EXD3: variants seen among roughly 807,000 people sequenced by gnomAD.
EXD3 encodes exonuclease mut-7 homolog.
In EXD3, 92 loss-of-function variants were observed where a neutral mutation model predicts 98.0. The ratio of observed to expected loss-of-function variants is 0.94; its 90% CI spans 0.79 to 1.12. The LOEUF is 1.12. EXD3 is among the 50% of genes most tolerant of loss of function. The pLI is 0.00. For missense variants in EXD3, 1,222 were observed against 1,191.6 expected, an observed-to-expected ratio of 1.03 and a Z score of -0.38; for synonymous variants, 569 against 526.0, an observed-to-expected ratio of 1.08 and a Z score of -1.12.
chr9:137,407,136 G>A lies in EXD3; in HGVS notation c.-47-11732C>T, dbSNP rs1003176947. ...CAGTCCCGGGCACCCCACGCCGACCGCCGCGCGTCCGGGCCGGTCTCTGGG... is the reference window on the plus strand; with the variant it reads ...CAGTCCCGGGCACCCCACGCCGACCACCGCGCGTCCGGGCCGGTCTCTGGG... On this transcript the variant is annotated intron_variant, in intron 1 of 21. Transcript: ENST00000340951. This position sits in a 1 kb window ranked among gnomAD's most constrained non-coding sequence, Gnocchi z 4.4. Among the ~76,000 whole-genome samples the A allele has an allele frequency of 7.9e-5, 12 of 152,116 alleles. No individual in the cohort carries two copies. Among genetic ancestry groups the A allele is most frequent in the African/African-American group, 2.9e-4 (12 of 41,424 alleles).
At chr9:137,362,347 G>C (rs1028579431) in intron 7 of EXD3, among the ~76,000 whole-genome samples, 5 of 152,146 alleles carry the variant, frequency 3.3e-5, no homozygotes, top group Non-Finnish European at 5.9e-5. Flanking sequence ...TGTAAGGTTG[G>C]TTTAACATAG....
intron 19 of EXD3, among the ~76,000 whole-genome samples, chr9:137,321,647 C>A (rs1355568256): frequency 6.6e-6 from 1 of 152,208 alleles, no homozygotes; most frequent in Non-Finnish European, 1.5e-5. Flanking sequence ...TACATCACTA[C>A]ACTCCAGCCT....
intron 17 of EXD3, among the ~76,000 whole-genome samples, chr9:137,325,737 C>T (rs944024478): frequency 6.6e-6 from 1 of 152,086 alleles, no homozygotes; most frequent in Non-Finnish European, 1.5e-5. Context: ...CCGGCCAAAT[C>T]GTTAGTTATC....
At chr9:137,402,528 TCTC>T in intron 1 of EXD3, among the ~76,000 whole-genome samples, 1 of 152,204 alleles carries the variant, frequency 6.6e-6, no homozygotes, top group Non-Finnish European at 1.5e-5. Flanking sequence ...TTTGAGACCA[TCTC>T]AGCCTGGACA....
At chr9:137,312,858 C>T (rs1030496059) in intron 19 of EXD3, among the ~76,000 whole-genome samples, 27 of 152,180 alleles carry the variant, frequency 1.8e-4, no homozygotes, top group African/African-American at 6.5e-4. Flanking sequence ...CGCTGGGCTG[C>T]AGAATGTGCC....
At chr9:137,399,182 T>C (rs931685547) in intron 1 of EXD3, among the ~76,000 whole-genome samples, 6 of 152,236 alleles carry the variant, frequency 3.9e-5, no homozygotes, top group African/African-American at 1.4e-4. Context: ...CTCTACTGTC[T>C]TCTAGCCTCA....
At chr9:137,390,119 CAAAAAA>C (rs34716316) in intron 2 of EXD3, among the ~76,000 whole-genome samples, 2 of 23,380 alleles carry the variant, frequency 8.6e-5, no homozygotes, top group African/African-American at 1.8e-4. Flanking sequence ...GAGACTCTGT[CAAAAAA>C]AAAAAAAAAA....
chr9:137,353,621 A>C (rs1255650656), intron 10 of EXD3: 2 of 985,890 alleles, frequency 2.0e-6, no homozygotes, highest in Non-Finnish European at 2.4e-6. Context: ...GGCAGCGCCC[A>C]GCCCAGGAGC....
intron 1 of EXD3, among the ~76,000 whole-genome samples, chr9:137,398,215 C>G (rs1048144696): frequency 2.2e-4 from 34 of 152,204 alleles, no homozygotes; most frequent in Admixed American, 6.5e-5. Context: ...CGGTCCACAG[C>G]CGGGCGCCCT....
chr9:137,382,979 T>C (rs1443201047), intron 3 of EXD3, among the ~76,000 whole-genome samples: 1 of 152,196 alleles, frequency 6.6e-6, no homozygotes, highest in Non-Finnish European at 1.5e-5. Context: ...GCCTGGGTGC[T>C]CTGGCGGTGG....
intron 19 of EXD3, among the ~76,000 whole-genome samples, chr9:137,311,171 G>A (rs1430379002): frequency 6.6e-6 from 1 of 152,206 alleles, no homozygotes; most frequent in Non-Finnish European, 1.5e-5. Context: ...GCTGGGCTAG[G>A]GAGACAGGAC....
At chr9:137,370,515 C>T (rs1025598806) in intron 5 of EXD3, among the ~76,000 whole-genome samples, 5 of 151,434 alleles carry the variant, frequency 3.3e-5, no homozygotes, top group Non-Finnish European at 5.9e-5. Flanking sequence ...AGGCATCCAC[C>T]AGGAAGAGAG....
At position 137,414,786 on chromosome 9, in the gene EXD3, C is replaced by G. The variant is rs550358951; in HGVS notation, c.-48+8328G>C. 1.1e-4 allele frequency among the ~76,000 whole-genome samples: 17 copies of G among 152,336 alleles called. No homozygotes were observed. In the East Asian group the frequency reaches 2.9e-3, roughly 26 times the overall value. ...GGTGTGACAGGTGTGGGGTCCCACA[C>G]CGCCACTCCAGGGGGGTGCTGGCAT... On this transcript the variant is annotated intron_variant, in intron 1 of 21. Coordinates refer to ENST00000340951, the MANE Select transcript of EXD3 (RefSeq NM_017820.5).
intron 1 of EXD3, among the ~76,000 whole-genome samples, chr9:137,416,241 C>T (rs1838222637): frequency 6.6e-6 from 1 of 152,196 alleles, no homozygotes; most frequent in African/African-American, 2.4e-5. Context: ...GTGGCCGCTC[C>T]ACCAGGGGGA....
chr9:137,349,278 G>A lies in EXD3; in HGVS notation c.1662C>T (p.Ala554=), dbSNP rs374931539. The A allele has an allele frequency of 1.5e-4, 235 of 1,564,760 alleles. No individual in the cohort carries two copies. The highest frequency in any genetic ancestry group is 3.3e-4 in the Middle Eastern group (2 of 6,004). Residue 554 remains alanine (A), a synonymous_variant, in exon 16 of 22, where the codon GCC becomes GCT. Transcript: ENST00000340951. This position sits in a 1 kb window ranked among gnomAD's most constrained non-coding sequence, Gnocchi z 7.4. ...GCACCTCCAGCAGGCAGTAGGCGTC[G>A]GCAGCTGTGTGGGGAGTCGGCCTCA... ...LCEEQVIYAA[A]DAYCLLEVHQ...
intron 14 of EXD3, 87 bp downstream of exon 14, chr9:137,350,951 G>T: frequency 2.8e-6 from 3 of 1,074,484 alleles, no homozygotes; most frequent in Non-Finnish European, 4.1e-6. Context: ...GAAGCCCAGG[G>T]CCGCTGGGAA....
At chr9:137,308,638 T>C (rs1484650624) in intron 20 of EXD3, among the ~76,000 whole-genome samples, 1 of 148,822 alleles carries the variant, frequency 6.7e-6, no homozygotes, top group Non-Finnish European at 1.5e-5. Flanking sequence ...CTGACCCTTT[T>C]TTTTTTTTTT....
rs574593268 is a variant in EXD3 at position 137,393,753 on chromosome 9, C to A, written c.55+1550G>T. 5.9e-5 allele frequency among the ~76,000 whole-genome samples: 9 copies of A among 152,278 alleles called. No homozygotes were observed. The East Asian group carries it at 1.7e-3, about 29-fold the overall frequency. On this transcript the variant is annotated intron_variant, in intron 2 of 21. Coordinates refer to ENST00000340951, the MANE Select transcript of EXD3 (RefSeq NM_017820.5). The surrounding 1 kb of genome is among the most constrained non-coding windows in gnomAD (Gnocchi z 4.6). ...CACAGAGGGGAGGGCCATGGCCCTG[C>A]CCCATGGAGGGGCTGCCAGGCAGGG...
intron 8 of EXD3, 144 bp from the exon 9 acceptor site, chr9:137,354,917 A>C (rs1588333133): frequency 5.1e-6 from 4 of 784,952 alleles, no homozygotes; most frequent in Non-Finnish European, 7.9e-6. Context: ...CCCCCTCCTC[A>C]CCACCTGGGC....
Sources: gnomAD v4.1 joint callset for allele counts (sites outside exome capture counted in the v4.1 genomes callset) on GRCh38, gnomAD v4.1.1 for gene constraint, Gnocchi (gnomAD v3.1) non-coding constraint, MANE v1.5 for transcripts, NCBI Gene and HGNC (gene_info 2026-07-23, HGNC 2026-07-21) for gene names.